The following DISC1 variants were observed in gnomAD, a reference collection of about 807,000 sequenced individuals.
The protein encoded by DISC1 is DISC1 scaffold protein.
In DISC1, 57 loss-of-function variants were observed where a neutral mutation model predicts 84.5. The observed-to-expected ratio is 0.67, with a 90% CI of 0.55 to 0.84. The LOEUF is 0.84. Ranked by LOEUF, DISC1 falls within the 40% of genes least tolerant of loss-of-function variation. The pLI is 0.00. For synonymous variants in DISC1, 411 were observed against 415.2 expected, an observed-to-expected ratio of 0.99 and a Z score of 0.12; for missense variants, 1,000 against 1,057.8, an observed-to-expected ratio of 0.95 and a Z score of 0.76.
At chr1:231,977,724 A>G (rs61835566) in intron 10 of DISC1, among the ~76,000 whole-genome samples, 1,909 of 152,360 alleles carry the variant, frequency 0.013, 24 homozygotes, top group Non-Finnish European at 0.018. Context: ...CAACAGGAAT[A>G]TTTTGAAACA....
At position 231,897,839 on chromosome 1, in the gene DISC1, A is replaced by C. The variant is rs1177557309; in HGVS notation, c.1982-60989A>C. On this transcript the variant is annotated intron_variant, in intron 9 of 12. Transcript: ENST00000439617. The surrounding 1 kb of genome is among the most constrained non-coding windows in gnomAD (Gnocchi z 4.5). The stretch of plus-strand genomic sequence containing the variant: ...TATTTTAGGTTTTTTTCTTAAAATC[A>C]GAGAAAATCTAGCTTCAAAACTCAA... Among the ~76,000 whole-genome samples the C allele has an allele frequency of 6.6e-6, 1 of 152,234 alleles. No individual in the cohort carries two copies. Among genetic ancestry groups the C allele is most frequent in the Non-Finnish European group, 1.5e-5 (1 of 68,046 alleles).
chr1:231,997,710 G>C (rs1024079533), intron 10 of DISC1, among the ~76,000 whole-genome samples: 1 of 152,054 alleles, frequency 6.6e-6, no homozygotes, highest in African/African-American at 2.4e-5. Context: ...TTACAATTGA[G>C]GGAGACTATA....
intron 3 of DISC1, among the ~76,000 whole-genome samples, chr1:231,705,321 T>A (rs201252415): frequency 2.5e-3 from 256 of 103,762 alleles, no homozygotes; most frequent in Middle Eastern, 0.014. Flanking sequence ...AAAAAATCAT[T>A]AAAAAAAAAA....
At chr1:231,838,572 G>GT (rs1297078752) in intron 9 of DISC1, among the ~76,000 whole-genome samples, 1 of 152,216 alleles carries the variant, frequency 6.6e-6, no homozygotes, top group Non-Finnish European at 1.5e-5. Context: ...TTCCACTCTC[G>GT]TTTTTTGCCC....
chr1:231,750,099 A>G, intron 4 of DISC1, 23 bp downstream of exon 4: 3 of 1,605,494 alleles, frequency 1.9e-6, no homozygotes, highest in East Asian at 2.2e-5. Flanking sequence ...TATTGTCACC[A>G]TTTTCCCCTC....
At chr1:231,799,848 C>G (rs932840402) in intron 7 of DISC1, among the ~76,000 whole-genome samples, 1 of 11,784 alleles carries the variant, frequency 8.5e-5, no homozygotes, top group African/African-American at 3.5e-4. Context: ...CTTCTCTTTC[C>G]TTCCCTTCCT....
At chr1:231,922,930 T>A (rs2090096419) in intron 9 of DISC1, among the ~76,000 whole-genome samples, 1 of 152,020 alleles carries the variant, frequency 6.6e-6, no homozygotes, top group African/African-American at 2.4e-5. Context: ...GAAAATGCAA[T>A]ATTTATACAT....
intron 3 of DISC1, among the ~76,000 whole-genome samples, chr1:231,748,917 C>A (rs2074301389): frequency 6.6e-6 from 1 of 152,172 alleles, no homozygotes; most frequent in South Asian, 2.1e-4. Flanking sequence ...TGGCAGCTCT[C>A]CAAACTGGAC....
At chr1:231,937,116 A>G (rs1046925299) in intron 9 of DISC1, among the ~76,000 whole-genome samples, 2 of 152,236 alleles carry the variant, frequency 1.3e-5, no homozygotes, top group Non-Finnish European at 2.9e-5. Flanking sequence ...TCTGCAGTTG[A>G]ACAGGTTCTG....
chr1:231,833,177 G>T (rs965744953), intron 9 of DISC1, among the ~76,000 whole-genome samples: 8 of 150,598 alleles, frequency 5.3e-5, no homozygotes, highest in African/African-American at 7.5e-5. Flanking sequence ...AAGTGTCTCA[G>T]CCTAATAAGG....
chr1:231,708,665 G>A (rs2067404050), intron 3 of DISC1, among the ~76,000 whole-genome samples: 1 of 152,176 alleles, frequency 6.6e-6, no homozygotes, highest in Admixed American at 6.5e-5. Flanking sequence ...AGGACCAGCT[G>A]TGTGCTCTGG....
chr1:231,718,209 C>T (rs1015671395), intron 3 of DISC1, among the ~76,000 whole-genome samples: 1 of 152,166 alleles, frequency 6.6e-6, no homozygotes, highest in Non-Finnish European at 1.5e-5. Context: ...AAGCATCCTT[C>T]GATCATCCTT....
Position 231,648,321 on chromosome 1 carries a change from G to GT in DISC1, c.67+21395dup, listed in dbSNP as rs917162195. 1.6e-3 allele frequency among the ~76,000 whole-genome samples: 240 copies of GT among 152,034 alleles called. 5 individuals carry two copies. The highest frequency in any genetic ancestry group is 5.5e-3 in the African/African-American group (227 of 41,464). On this transcript the variant is annotated intron_variant, in intron 1 of 12. Transcript: ENST00000439617. ...TCTGCATCTGTTGAGATAATCATGT[G>GT]TTTTTTTTCATTGGTTCTGTTTATG...
intron 3 of DISC1, among the ~76,000 whole-genome samples, chr1:231,708,873 C>T (rs1238450073): frequency 6.6e-6 from 1 of 152,128 alleles, no homozygotes; most frequent in Non-Finnish European, 1.5e-5. Flanking sequence ...AAATTTTCCA[C>T]AATTTTATCT....
intron 9 of DISC1, among the ~76,000 whole-genome samples, chr1:231,912,031 T>C (rs2089249749): frequency 6.6e-6 from 1 of 152,206 alleles, no homozygotes; most frequent in Non-Finnish European, 1.5e-5. Flanking sequence ...ATAAAGTCAT[T>C]TAAGGTCTTT....
chr1:231,797,885 G>A (rs557882956), intron 7 of DISC1, among the ~76,000 whole-genome samples: 2 of 152,100 alleles, frequency 1.3e-5, no homozygotes, highest in South Asian at 4.2e-4. Context: ...AGGTTTTCCG[G>A]GGATGTGTAT....
At chr1:231,863,034 G>A (rs773500578) in intron 9 of DISC1, among the ~76,000 whole-genome samples, 1 of 151,758 alleles carries the variant, frequency 6.6e-6, no homozygotes, top group Non-Finnish European at 1.5e-5. Flanking sequence ...TAATAAAGTC[G>A]GTCACCCCAT....
intron 10 of DISC1, among the ~76,000 whole-genome samples, chr1:231,996,942 A>G (rs944448849): frequency 1.3e-5 from 2 of 152,200 alleles, no homozygotes; most frequent in Non-Finnish European, 2.9e-5. Context: ...ATTACTAATG[A>G]TCTAATTGTT....
chr1:231,639,172 C>T (rs576349440), intron 1 of DISC1, among the ~76,000 whole-genome samples: 1 of 152,218 alleles, frequency 6.6e-6, no homozygotes, highest in Admixed American at 6.5e-5. Flanking sequence ...CTTCATGTTG[C>T]TTGGGCTCAC....
Sources: allele counts gnomAD v4.1 joint callset (sites outside exome capture counted in the v4.1 genomes callset), GRCh38; gene constraint gnomAD v4.1.1; non-coding constraint Gnocchi (gnomAD v3.1); transcripts MANE v1.5; gene names NCBI Gene and HGNC (gene_info 2026-07-23, HGNC 2026-07-21).